Variants in SORCS2 observed in about 807,000 individuals in gnomAD.
The protein encoded by SORCS2 is sortilin related VPS10 domain containing receptor 2, also known as VPS10 domain-containing receptor SorCS2.
Under a neutral mutation model 141.6 loss-of-function variants are expected in SORCS2, and 100 were observed. The ratio of observed to expected loss-of-function variants is 0.71; its 90% CI spans 0.60 to 0.83. The LOEUF is 0.83. SORCS2 is among the 40% of genes least tolerant of loss of function. SORCS2 has a pLI of 0.00. For missense variants in SORCS2, 1,646 were observed against 1,560.2 expected (o/e 1.05, Z -0.93); for synonymous variants, 789 against 676.9 (o/e 1.17, Z -2.57).
chr4:7,341,037 G>A (rs1720340871), intron 1 of SORCS2, among the ~76,000 whole-genome samples: 1 of 152,228 alleles, frequency 6.6e-6, no homozygotes, highest in African/African-American at 2.4e-5. Flanking sequence ...GGAAGCGTGA[G>A]GAGTGAGCAG....
chr4:7,484,348 G>A (rs1205088691), intron 2 of SORCS2, among the ~76,000 whole-genome samples: 1 of 152,168 alleles, frequency 6.6e-6, no homozygotes, highest in East Asian at 1.9e-4. Context: ...TTCATTTGGA[G>A]AACCAAAGTA....
chr4:7,614,404 A>G (rs990673729), intron 3 of SORCS2, among the ~76,000 whole-genome samples: 3 of 150,818 alleles, frequency 2.0e-5, no homozygotes, highest in Non-Finnish European at 4.4e-5. Flanking sequence ...CCACCCATCA[A>G]TCCATTCATC....
At chr4:7,738,654 C>T (rs989135629) in intron 26 of SORCS2, among the ~76,000 whole-genome samples, 6 of 152,162 alleles carry the variant, frequency 3.9e-5, no homozygotes, top group South Asian at 2.1e-4. Flanking sequence ...TCTGATGATC[C>T]GGCTTCGAGC....
intron 10 of SORCS2, among the ~76,000 whole-genome samples, chr4:7,688,865 G>A (rs1289667606): frequency 6.6e-6 from 1 of 152,180 alleles, no homozygotes; most frequent in Non-Finnish European, 1.5e-5. Flanking sequence ...GAGATCAGGA[G>A]GAATGGGGTC....
chr4:7,638,430 G>A lies in SORCS2; in HGVS notation c.751G>A (p.Glu251Lys). 6.2e-7 allele frequency: 1 copy of A among 1,607,400 alleles called. No individual in the cohort carries two copies. Among genetic ancestry groups the A allele is most frequent in the Non-Finnish European group, 8.5e-7 (1 of 1,177,388 alleles). ...GAAGCAGCCCATTCCCTTCTTCGTG[G>A]AAACTCTGATTTTCCACCCTAAGGA... ...FQKQPIPFFV[E>K]TLIFHPKEED... The change falls in exon 4 of 27, where the codon GAA becomes AAA. Residue 251 changes from glutamate (E) to lysine (K), a missense_variant. Coordinates refer to ENST00000507866, the MANE Select transcript of SORCS2 (RefSeq NM_020777.3).
At chr4:7,517,103 A>G (rs1733036936) in intron 2 of SORCS2, among the ~76,000 whole-genome samples, 2 of 152,174 alleles carry the variant, frequency 1.3e-5, no homozygotes, top group African/African-American at 2.4e-5. Context: ...GATTACTACT[A>G]CAGCCACCCG....
rs559593000 is a variant in SORCS2, at chr4:7,434,704, G to A, written c.548+38349G>A. 53 of 1,612,888 alleles carry A rather than the reference G, an allele frequency of 3.3e-5. No individual in the cohort carries two copies. The highest frequency in any genetic ancestry group is 7.7e-5 in the South Asian group (7 of 90,798). On this transcript the variant is annotated intron_variant, in intron 2 of 26. Transcript: ENST00000507866. ...GCATACGTCGCAGGGCAGAGACTTCGCGGTGGGTTTGTTCCATACGGCCCC... is the reference window on the plus strand; with the variant it reads ...GCATACGTCGCAGGGCAGAGACTTCACGGTGGGTTTGTTCCATACGGCCCC...
intron 2 of SORCS2, among the ~76,000 whole-genome samples, chr4:7,472,983 C>T (rs1370173444): frequency 6.6e-6 from 1 of 151,934 alleles, no homozygotes; most frequent in Non-Finnish European, 1.5e-5. Context: ...TTCATTGATT[C>T]CTTTAACAAA....
chr4:7,451,343 G>A (rs541662804), intron 2 of SORCS2, among the ~76,000 whole-genome samples: 37 of 152,358 alleles, frequency 2.4e-4, no homozygotes, highest in Middle Eastern at 3.4e-3. Context: ...CCAGCTGGGA[G>A]CCCCGAGGCC....
At chr4:7,599,576 C>G (rs1036971727) in intron 3 of SORCS2, among the ~76,000 whole-genome samples, 2 of 152,198 alleles carry the variant, frequency 1.3e-5, no homozygotes, top group Admixed American at 1.3e-4. Context: ...CTGTTGACGT[C>G]TGTCCCTGCT....
chr4:7,714,104 A>G, intron 15 of SORCS2, 136 bp from the exon 16 acceptor site: 3 of 1,302,866 alleles, frequency 2.3e-6, no homozygotes, highest in Non-Finnish European at 3.1e-6. Flanking sequence ...GTCACGCCCC[A>G]TTATGGGCCT....
chr4:7,332,960 C>T (rs1006054950), intron 1 of SORCS2, among the ~76,000 whole-genome samples: 2 of 144,584 alleles, frequency 1.4e-5, no homozygotes, highest in African/African-American at 4.9e-5. Context: ...GCCATATTTA[C>T]CCAGCGGAGT....
chr4:7,248,647 A>G (rs1034319015), intron 1 of SORCS2, among the ~76,000 whole-genome samples: 1 of 152,150 alleles, frequency 6.6e-6, no homozygotes, highest in African/African-American at 2.4e-5. Context: ...TGACTAGTCT[A>G]TTTTTTAAGG....
intron 1 of SORCS2, among the ~76,000 whole-genome samples, chr4:7,358,429 T>C (rs1352321563): frequency 6.6e-6 from 1 of 152,232 alleles, no homozygotes; most frequent in African/African-American, 2.4e-5. Context: ...ATTCTTGTTA[T>C]GATGATGATA....
At chr4:7,264,995 C>T (rs1180563227) in intron 1 of SORCS2, among the ~76,000 whole-genome samples, 1 of 152,272 alleles carries the variant, frequency 6.6e-6, no homozygotes, top group Non-Finnish European at 1.5e-5. Context: ...AGAATCCTTC[C>T]CAGGCCCTGA....
At chr4:7,391,022 T>C (rs1229992092) in intron 1 of SORCS2, among the ~76,000 whole-genome samples, 1 of 152,314 alleles carries the variant, frequency 6.6e-6, no homozygotes, top group East Asian at 1.9e-4. Context: ...GGTCTAAGTT[T>C]GTGTGGATGG....
At chr4:7,377,431 C>T (rs1218190866) in intron 1 of SORCS2, among the ~76,000 whole-genome samples, 2 of 152,200 alleles carry the variant, frequency 1.3e-5, no homozygotes, top group Non-Finnish European at 2.9e-5. Context: ...CCACATGCCA[C>T]GTTCCCAGCA....
intron 2 of SORCS2, among the ~76,000 whole-genome samples, chr4:7,449,902 G>A (rs1054677488): frequency 6.6e-6 from 1 of 152,196 alleles, no homozygotes; most frequent in Non-Finnish European, 1.5e-5. Context: ...CGGGAGAGGT[G>A]GGAGCTGGGG....
rs1315693134 is a variant in SORCS2, at chr4:7,543,923, C to CCCAT, written c.648+12298_648+12301dup. On this transcript the variant is annotated intron_variant, in intron 3 of 26. Transcript: ENST00000507866. ...ATCCATCCACCCATCCACCCATCCA[C>CCCAT]CCATCCACCCATCCACCCATCCATC... 9.6e-3 allele frequency among the ~76,000 whole-genome samples: 95 copies of CCCAT among 9,898 alleles called. 3 individuals carry two copies. Among genetic ancestry groups the CCCAT allele is most frequent in the African/African-American group, 0.019 (71 of 3,770 alleles). 6.5% of individuals were successfully genotyped at this position (9,898 alleles called of 152,430 possible). A position where few individuals can be genotyped will look rare whatever the true frequency, so the allele number is the denominator to read the frequency against.
Sources: gnomAD v4.1 joint callset for allele counts (sites outside exome capture counted in the v4.1 genomes callset) on GRCh38, gnomAD v4.1.1 for gene constraint, MANE v1.5 for transcripts, NCBI Gene and HGNC (gene_info 2026-07-23, HGNC 2026-07-21) for gene names.